Variants in HOXA10 observed in about 807,000 individuals in gnomAD.
HOXA10 encodes the protein homeobox A10.
HOXA10 carries 12 observed loss-of-function variants against 29.7 expected under a neutral mutation model. The ratio of observed to expected loss-of-function variants is 0.40; its 90% CI spans 0.26 to 0.65. The LOEUF is 0.65. Among genes scored for constraint, HOXA10 ranks in the 30% least tolerant of loss-of-function variants. The pLI is 0.37. For missense variants in HOXA10, 656 were observed against 585.9 expected (o/e 1.12, Z -1.24); for synonymous variants, 327 against 280.7 (o/e 1.16, Z -1.65).
intron 1 of HOXA10, 154 bp from the exon 2 acceptor site, chr7:27,172,327 G>A: frequency 2.8e-6 from 2 of 723,270 alleles, no homozygotes; most frequent in Non-Finnish European, 2.4e-6. Flanking sequence ...AGAGCAAGCA[G>A]TTCCTCCAAA....
In HOXA10 at chr7:27,173,578, C is replaced by T; in HGVS notation, c.729G>A (p.Ala243=). 1 of 1,474,752 alleles carries T rather than the reference C, an allele frequency of 6.8e-7. No homozygotes were observed. Among genetic ancestry groups the T allele is most frequent in the Non-Finnish European group, 8.9e-7 (1 of 1,119,474 alleles). 91.4% of individuals were successfully genotyped at this position (1,474,752 alleles called of 1,614,324 possible). Residue 243 remains alanine, a synonymous_variant, in exon 1 of 2, where the codon GCG becomes GCA. Coordinates refer to ENST00000283921, the MANE Select transcript of HOXA10 (RefSeq NM_018951.4). The stretch of plus-strand genomic sequence containing the variant: ...GATCGAAACCGCGCCCCGGGGGCTG[C>T]GCGGGGAACGGGCCAGCCCCGAGTT... ...AQQLGAGPFP[A]QPPGRGFDLP...
upstream of HOXA10, among the ~76,000 whole-genome samples, chr7:27,177,982 G>T (rs578223107): frequency 2.6e-5 from 4 of 152,336 alleles, no homozygotes; most frequent in Non-Finnish European, 5.9e-5. Context: ...ATGGATTAAG[G>T]CCTTCGGCAA....
rs1462881362 is a variant in HOXA10, at chr7:27,171,478, C to T, written c.*421G>A. The T allele has an allele frequency of 6.5e-6, 3 of 458,796 alleles. No homozygotes were observed. Among genetic ancestry groups the T allele is most frequent in the South Asian group, 4.7e-5 (3 of 64,512 alleles). The allele number at this position is 458,796 out of a possible 1,614,324, so 28.4% of individuals were successfully genotyped here. A position where few individuals can be genotyped will look rare whatever the true frequency, so the allele number is the denominator to read the frequency against. ...GGTGGCGGCTCCTTTGCACCATTGA[C>T]CTCAGGCCAGACACCTCAGCGCCAA... On this transcript the variant is annotated 3_prime_UTR_variant, in exon 2 of 2. Transcript: ENST00000283921.
At chr7:27,175,810 GGCCGCT>G (rs1450658400), upstream of HOXA10, among the ~76,000 whole-genome samples, 1 of 152,244 alleles carries the variant, frequency 6.6e-6, no homozygotes, top group Non-Finnish European at 1.5e-5. Context: ...AGACCGCTCA[GGCCGCT>G]GCCTTCAGCT....
upstream of HOXA10, chr7:27,174,437 C>A (rs570849942): frequency 6.2e-6 from 9 of 1,454,674 alleles, no homozygotes; most frequent in African/African-American, 1.1e-4. Context: ...GGCCGCTCTC[C>A]GAGGGCGCCC....
upstream of HOXA10, among the ~76,000 whole-genome samples, chr7:27,178,612 C>T (rs758309075): frequency 1.6e-4 from 25 of 152,186 alleles, no homozygotes; most frequent in Admixed American, 2.0e-4. Flanking sequence ...ACTGGGTGGG[C>T]GCTCATTTCT....
intron 1 of HOXA10, chr7:27,173,086 G>T (rs1783544546): frequency 1.8e-6 from 1 of 563,596 alleles, no homozygotes; most frequent in Non-Finnish European, 3.2e-6. Context: ...ACAGGAGGGG[G>T]CCTGCTCGCT....
chr7:27,179,726 G>A (rs948736546), exon 1 of HOXA10: 6 of 753,340 alleles, frequency 8.0e-6, no homozygotes, highest in African/African-American at 5.2e-5. Context: ...GCGAATGCGC[G>A]TTGCTTTAAA....
At position 27,172,507 on chromosome 7, in the gene HOXA10, C is replaced by T. The variant is rs1783524705; in HGVS notation, c.959-334G>A. Reference sequence around the variant, plus strand: ...ACTTAACGCTTTTCTTTGCCTCTTGCCATATGGCAGACAAGCATTTCCTGT... The same window carrying T: ...ACTTAACGCTTTTCTTTGCCTCTTGTCATATGGCAGACAAGCATTTCCTGT... On this transcript the variant is annotated intron_variant, in intron 1 of 1. Coordinates refer to ENST00000283921, the MANE Select transcript of HOXA10 (RefSeq NM_018951.4). 4 of 381,648 alleles carry T rather than the reference C, an allele frequency of 1.0e-5. No homozygotes were observed. In the East Asian group the frequency reaches 1.9e-4, roughly 18 times the overall value. 23.6% of individuals were successfully genotyped at this position (381,648 alleles called of 1,614,324 possible).
At position 27,174,108 on chromosome 7, in the gene HOXA10, G is replaced by C; in HGVS notation, c.199C>G (p.Pro67Ala). The change falls in exon 1 of 2, where the codon CCC becomes GCC. Residue 67 changes from proline to alanine, a missense_variant. Pro to Ala is a conservative substitution (Grantham distance 27, BLOSUM62 -1). Around this residue, in one of 2 missense-constraint regions of HOXA10, gnomAD observed 594 missense variants for 491.9 expected, o/e 1.21. Transcript: ENST00000283921. ...YYAHGGVYLP[P>A]AADLPYGLQS... ...AGCCCGTAGGGCAGGTCGGCGGCGG[G>C]CGGCAGGTAGACCCCGCCGTGGGCG... The C allele has an allele frequency of 6.3e-7, 1 of 1,576,914 alleles. No homozygotes were observed. Among genetic ancestry groups the C allele is most frequent in the Admixed American group, 1.8e-5 (1 of 56,714 alleles).
At chr7:27,179,729 G>T (rs1347965649) in exon 1 of HOXA10, 2 of 750,382 alleles carry the variant, frequency 2.7e-6, no homozygotes, top group East Asian at 2.6e-5. Context: ...AATGCGCGTT[G>T]CTTTAAATTA....
chr7:27,179,787 G>A, exon 1 of HOXA10: 1 of 707,966 alleles, frequency 1.4e-6, no homozygotes, highest in Non-Finnish European at 2.6e-6. Flanking sequence ...CTGTTATGAA[G>A]GGGAGCGGGA....
At position 27,172,186 on chromosome 7, in the gene HOXA10, A is replaced by G; in HGVS notation, c.959-13T>C. 2.5e-6 allele frequency: 4 copies of G among 1,613,346 alleles called. No individual in the cohort carries two copies. Among genetic ancestry groups the G allele is most frequent in the Non-Finnish European group, 3.4e-6 (4 of 1,180,002 alleles). Reference sequence around the variant, plus strand: ...CCTTTGGAATTGCCTGGCATGTAAGAGAATAAAGAGGGGATGATTAAGTCG... The same window carrying G: ...CCTTTGGAATTGCCTGGCATGTAAGGGAATAAAGAGGGGATGATTAAGTCG... On this transcript the variant is annotated splice_polypyrimidine_tract_variant and intron_variant, in intron 1 of 1. Transcript: ENST00000283921.
chr7:27,174,097 G>T lies in HOXA10; in HGVS notation c.210C>A (p.Asp70Glu), dbSNP rs753331027. The change falls in exon 1 of 2, where the codon GAC becomes GAA. Residue 70 changes from aspartate (D) to glutamate (E), a missense_variant. By Grantham distance (45) the Asp-to-Glu change is conservative (BLOSUM62 2). Around this residue, in one of 2 missense-constraint regions of HOXA10, gnomAD observed 594 missense variants for 491.9 expected, o/e 1.21. Transcript: ENST00000283921. ...HGGVYLPPAA[D>E]LPYGLQSCGL... ...CGCAGCTCTGCAGCCCGTAGGGCAGGTCGGCGGCGGGCGGCAGGTAGACCC... is the reference window on the plus strand; with the variant it reads ...CGCAGCTCTGCAGCCCGTAGGGCAGTTCGGCGGCGGGCGGCAGGTAGACCC... The T allele has an allele frequency of 9.6e-6, 15 of 1,568,864 alleles. No individual in the cohort carries two copies. In the African/African-American group the frequency reaches 1.6e-4, roughly 17 times the overall value.
upstream of HOXA10, among the ~76,000 whole-genome samples, chr7:27,178,341 G>A (rs1421354918): frequency 6.6e-6 from 1 of 152,200 alleles, no homozygotes; most frequent in African/African-American, 2.4e-5. Flanking sequence ...TCATCTTTAA[G>A]AATGTCAACA....
In HOXA10 at chr7:27,173,400, A is replaced by T. The variant is rs1183009129; in HGVS notation, c.907T>A (p.Ser303Thr). ...TTGCTGCTCTCGGAAGGGGCCGGGG[A>T]GAGCTCCTCCGCGGCCGAGGACGAC... ...HASSSAAEEL[S>T]PAPSESSKAS... is the part of the protein sequence containing the mutation. The change falls in exon 1 of 2, where the codon TCC (serine) becomes ACC (threonine). Residue 303 changes from serine to threonine, a missense_variant. Ser to Thr is a moderately conservative substitution (Grantham distance 58). This residue lies in a region of HOXA10 where 594 missense variants were observed against 491.9 expected (regional missense o/e 1.21). Coordinates refer to ENST00000283921, the MANE Select transcript of HOXA10 (RefSeq NM_018951.4). 8 of 1,610,860 alleles carry T rather than the reference A, an allele frequency of 5.0e-6. No homozygotes were observed. In the East Asian group the frequency reaches 1.8e-4, roughly 36 times the overall value.
chr7:27,179,071 A>C (rs569684351), upstream of HOXA10, among the ~76,000 whole-genome samples: 16 of 152,390 alleles, frequency 1.0e-4, no homozygotes, highest in African/African-American at 3.8e-4. Flanking sequence ...GCGTACTCCA[A>C]GTATGCAACA....
chr7:27,179,176 T>G (rs1428647883), upstream of HOXA10, among the ~76,000 whole-genome samples: 2 of 152,178 alleles, frequency 1.3e-5, no homozygotes, highest in East Asian at 3.9e-4. Context: ...CGGGCAGACA[T>G]AGAGATGCAC....
At position 27,171,881 on chromosome 7, in the gene HOXA10, G is replaced by A; in HGVS notation, c.*18C>T. 3 of 1,613,920 alleles carry A rather than the reference G, an allele frequency of 1.9e-6. No individual in the cohort carries two copies. Among genetic ancestry groups the A allele is most frequent in the Non-Finnish European group, 2.5e-6 (3 of 1,179,862 alleles). On this transcript the variant is annotated 3_prime_UTR_variant, in exon 2 of 2. Transcript: ENST00000283921. The stretch of plus-strand genomic sequence containing the variant: ...CCAGCGCTCGGGAAGTGAAAAAACC[G>A]CGTCGCCTGGAGATTCATCAGGAAA...
Sources: allele counts gnomAD v4.1 joint callset (sites outside exome capture counted in the v4.1 genomes callset), GRCh38; gene constraint gnomAD v4.1.1; regional missense constraint gnomAD v4.1.1; transcripts MANE v1.5; gene names NCBI Gene and HGNC (gene_info 2026-07-23, HGNC 2026-07-21).